The following UMAD1 variants were observed in gnomAD, a reference collection of about 807,000 sequenced individuals.
The protein encoded by UMAD1 is UBAP1-MVB12-associated (UMA) domain containing 1.
In UMAD1, 8 loss-of-function variants were observed where a neutral mutation model predicts 6.1. The ratio of observed to expected loss-of-function variants is 1.30; its 90% confidence interval spans 0.76 to 2.35. The LOEUF is 2.35. UMAD1 is among the 30% of genes most tolerant of loss of function. The pLI, the probability that UMAD1 is intolerant of heterozygous loss-of-function variation, is 0.00. For synonymous variants in UMAD1, 56 were observed against 31.4 expected (o/e 1.78, Z -2.61); for missense variants, 130 against 78.4 (o/e 1.66, Z -2.49).
chr7:7,747,504 T>C (rs1399060076), intron 2 of UMAD1, among the ~76,000 whole-genome samples: 2 of 152,214 alleles, frequency 1.3e-5, no homozygotes, highest in South Asian at 2.1e-4. Context: ...ATGGCTCTCT[T>C]TCCATTACAG....
intron 3 of UMAD1, among the ~76,000 whole-genome samples, chr7:7,844,934 G>A (rs1783755391): frequency 6.6e-6 from 1 of 152,100 alleles, no homozygotes; most frequent in South Asian, 2.1e-4. Flanking sequence ...AAAAGACATA[G>A]ATAATTTCTG....
intron 2 of UMAD1, among the ~76,000 whole-genome samples, chr7:7,687,646 G>C (rs1482016928): frequency 6.6e-6 from 1 of 152,124 alleles, no homozygotes; most frequent in Non-Finnish European, 1.5e-5. Context: ...AAAGAGAATT[G>C]CTGCCAAACT....
At chr7:7,774,512 G>C (rs1583815194) in intron 2 of UMAD1, among the ~76,000 whole-genome samples, 1 of 152,174 alleles carries the variant, frequency 6.6e-6, no homozygotes, top group Non-Finnish European at 1.5e-5. Flanking sequence ...AAAAGAAAGA[G>C]AGAGAGCTTG....
intron 2 of UMAD1, among the ~76,000 whole-genome samples, chr7:7,741,453 CG>C (rs1167660054): frequency 6.6e-6 from 1 of 151,516 alleles, no homozygotes; most frequent in Non-Finnish European, 1.5e-5. Flanking sequence ...CGCCTGTAGT[CG>C]TAGTCCCAGC....
intron 2 of UMAD1, among the ~76,000 whole-genome samples, chr7:7,786,503 A>T (rs1349037205): frequency 6.6e-6 from 1 of 152,114 alleles, no homozygotes; most frequent in Non-Finnish European, 1.5e-5. Flanking sequence ...TGAGATGGGG[A>T]GGTAGATGCG....
At chr7:7,702,849 A>G (rs1042180751) in intron 2 of UMAD1, among the ~76,000 whole-genome samples, 2 of 152,140 alleles carry the variant, frequency 1.3e-5, no homozygotes, top group African/African-American at 2.4e-5. Context: ...AGACAAGTCA[A>G]CCAGTTTGTT....
intron 3 of UMAD1, among the ~76,000 whole-genome samples, chr7:7,807,653 A>G (rs1782944458): frequency 6.6e-6 from 1 of 152,132 alleles, no homozygotes; most frequent in Non-Finnish European, 1.5e-5. Flanking sequence ...GTTAGTTTTT[A>G]CAGAGCTAGA....
In UMAD1 at chr7:7,877,734, C is replaced by A; in HGVS notation, c.*196C>A. ...TACAAATTGAACTTAAGTTCTACTT[C>A]CTTTCTCCCATATAATAAATATACA... On this transcript the variant is annotated 3_prime_UTR_variant, in exon 4 of 4. Transcript: ENST00000682710. 1.8e-6 allele frequency: 1 copy of A among 544,204 alleles called. No homozygotes were observed. 33.7% of individuals were successfully genotyped at this position (544,204 alleles called of 1,614,324 possible). A position where few individuals can be genotyped will look rare whatever the true frequency, so the allele number is the denominator to read the frequency against.
chr7:7,812,123 C>G (rs1276625902), intron 3 of UMAD1, among the ~76,000 whole-genome samples: 2 of 152,290 alleles, frequency 1.3e-5, no homozygotes, highest in Non-Finnish European at 2.9e-5. Context: ...AATTCTGGTG[C>G]TTTCTTCTGG....
chr7:7,827,135 A>ATGTGTGTGTGTGTGTGTGTGTGTG (rs1178394302), intron 3 of UMAD1, among the ~76,000 whole-genome samples: 8 of 114,502 alleles, frequency 7.0e-5, no homozygotes, highest in Non-Finnish European at 1.1e-4. Context: ...ATATATATAT[A>ATGTGTGTGTGTGTGTGTGTGTGTG]TATATATATA....
chr7:7,827,288 G>T (rs1238295223), intron 3 of UMAD1, among the ~76,000 whole-genome samples: 1 of 151,846 alleles, frequency 6.6e-6, no homozygotes, highest in Non-Finnish European at 1.5e-5. Flanking sequence ...AAAAATTCCA[G>T]ATACAAAGAG....
intron 2 of UMAD1, among the ~76,000 whole-genome samples, chr7:7,797,169 AAGAGT>A (rs1176338159): frequency 6.6e-6 from 1 of 152,180 alleles, no homozygotes; most frequent in African/African-American, 2.4e-5. Flanking sequence ...GTCACATGGC[AAGAGT>A]GGAAGCAAGA....
chr7:7,850,206 T>G (rs1013235649), intron 3 of UMAD1, among the ~76,000 whole-genome samples: 1 of 151,992 alleles, frequency 6.6e-6, no homozygotes, highest in East Asian at 1.9e-4. Flanking sequence ...AAACTTTTCC[T>G]TTATAACTTT....
intron 3 of UMAD1, among the ~76,000 whole-genome samples, chr7:7,841,519 G>T (rs1210067383): frequency 2.6e-5 from 4 of 151,976 alleles, no homozygotes; most frequent in Admixed American, 2.6e-4. Context: ...GCTCAGGCAG[G>T]TCTTCAACTC....
intron 3 of UMAD1, among the ~76,000 whole-genome samples, chr7:7,813,206 G>A (rs1379687573): frequency 6.9e-6 from 1 of 145,550 alleles, no homozygotes; most frequent in Admixed American, 7.0e-5. Context: ...TATGTGCCAG[G>A]TTTCTTTGTT....
intron 2 of UMAD1, among the ~76,000 whole-genome samples, chr7:7,767,466 C>T (rs746543288): frequency 4.6e-5 from 7 of 152,126 alleles, no homozygotes; most frequent in African/African-American, 1.2e-4. Flanking sequence ...AAACAATGTG[C>T]GTTGCTAAGC....
At chr7:7,791,442 A>G (rs1162643384) in intron 2 of UMAD1, among the ~76,000 whole-genome samples, 3 of 152,256 alleles carry the variant, frequency 2.0e-5, no homozygotes, top group African/African-American at 7.2e-5. Flanking sequence ...CAGCAGCAAC[A>G]ACACAAAATC....
intron 1 of UMAD1, among the ~76,000 whole-genome samples, chr7:7,664,037 A>G (rs1227112849): frequency 6.6e-6 from 1 of 152,228 alleles, no homozygotes; most frequent in Admixed American, 6.5e-5. Context: ...GGCCAAGTCC[A>G]GTTTTAGAGG....
At chr7:7,687,751 A>G (rs1390194987) in intron 2 of UMAD1, among the ~76,000 whole-genome samples, 2 of 152,242 alleles carry the variant, frequency 1.3e-5, no homozygotes, top group East Asian at 1.9e-4. Context: ...ATACACACAC[A>G]TATTTTTAAT....
Sources: gnomAD v4.1 joint callset for allele counts (sites outside exome capture counted in the v4.1 genomes callset) on GRCh38, gnomAD v4.1.1 for gene constraint, MANE v1.5 for transcripts, NCBI Gene and HGNC (gene_info 2026-07-23, HGNC 2026-07-21) for gene names.